The following PLCL1 variants were observed in gnomAD, a reference collection of about 807,000 sequenced individuals.
PLCL1 encodes the protein phospholipase C like 1 (inactive), also known as inactive phospholipase C-like protein 1.
Under a neutral mutation model 84.4 loss-of-function variants are expected in PLCL1, and 41 were observed. The observed-to-expected ratio is 0.49, with a 90% confidence interval of 0.38 to 0.63. The LOEUF (loss-of-function observed/expected upper bound fraction) is 0.63. Among genes scored for constraint, PLCL1 ranks in the 30% least tolerant of loss-of-function variants. The pLI is 0.00. For missense variants in PLCL1, 1,206 were observed against 1,367.8 expected (o/e 0.88, Z 1.87); for synonymous variants, 490 against 488.3 (o/e 1.00, Z -0.05).
chr2:198,129,459 A>G (rs1339335883), intron 5 of PLCL1, among the ~76,000 whole-genome samples: 1 of 151,948 alleles, frequency 6.6e-6, no homozygotes, highest in Non-Finnish European at 1.5e-5. Flanking sequence ...TCCACCTATG[A>G]CCTGTAAGTC....
chr2:197,989,251 C>T (rs750250657), intron 1 of PLCL1, among the ~76,000 whole-genome samples: 18 of 152,070 alleles, frequency 1.2e-4, no homozygotes, highest in Non-Finnish European at 1.6e-4. Flanking sequence ...ATTGGGGAAA[C>T]GTCTCTGCCT....
At chr2:198,029,684 T>TCC (rs1691359671) in intron 1 of PLCL1, among the ~76,000 whole-genome samples, 1 of 143,942 alleles carries the variant, frequency 6.9e-6, no homozygotes, top group Non-Finnish European at 1.5e-5. Context: ...TTCTCTTCTC[T>TCC]TCTCTCCTCT....
At chr2:197,941,727 T>C (rs1396242639) in intron 1 of PLCL1, among the ~76,000 whole-genome samples, 3 of 152,252 alleles carry the variant, frequency 2.0e-5, no homozygotes, top group Admixed American at 1.3e-4. Context: ...CCACTAATTA[T>C]GTGGGTTAGC....
At position 197,902,549 on chromosome 2, in the gene PLCL1, T is replaced by C. The variant is rs539672550; in HGVS notation, c.240+97210T>C. Among the ~76,000 whole-genome samples, 26 of 152,348 alleles carry C rather than the reference T, an allele frequency of 1.7e-4. 1 individual carries two copies. In the South Asian group the frequency reaches 5.4e-3, roughly 32 times the overall value. ...GAGGAGAAAATATTTTCCTGTTTTT[T>C]ATCTCTGGAATAGGCAGTTCCCTAA... On this transcript the variant is annotated intron_variant, in intron 1 of 5. Transcript: ENST00000428675.
At chr2:197,913,467 C>T (rs202136373) in intron 1 of PLCL1, among the ~76,000 whole-genome samples, 3 of 152,264 alleles carry the variant, frequency 2.0e-5, no homozygotes, top group Non-Finnish European at 1.5e-5. Flanking sequence ...TCATGAGAAA[C>T]GATTAGGTTC....
intron 1 of PLCL1, among the ~76,000 whole-genome samples, chr2:198,028,359 T>C (rs1313074314): frequency 1.3e-5 from 2 of 152,176 alleles, no homozygotes; most frequent in African/African-American, 4.8e-5. Flanking sequence ...AGGAGTGGGA[T>C]TGGGCTTGCC....
intron 1 of PLCL1, among the ~76,000 whole-genome samples, chr2:197,893,255 C>G (rs984330543): frequency 3.3e-5 from 5 of 152,106 alleles, no homozygotes; most frequent in African/African-American, 1.2e-4. Context: ...TAGATTTGAA[C>G]CTTTTTGCTT....
chr2:197,885,163 T>G (rs1687896243), intron 1 of PLCL1, among the ~76,000 whole-genome samples: 1 of 152,206 alleles, frequency 6.6e-6, no homozygotes, highest in Non-Finnish European at 1.5e-5. Flanking sequence ...CTTTCTGAAT[T>G]AGTCAGGGTT....
chr2:198,043,475 A>C (rs896841652), intron 1 of PLCL1, among the ~76,000 whole-genome samples: 7 of 152,180 alleles, frequency 4.6e-5, no homozygotes, highest in African/African-American at 1.7e-4. Context: ...TAGCCACTTC[A>C]TGCAGTTACA....
At chr2:198,058,738 C>G (rs553536009) in intron 1 of PLCL1, among the ~76,000 whole-genome samples, 10 of 151,986 alleles carry the variant, frequency 6.6e-5, no homozygotes, top group Admixed American at 5.9e-4. Flanking sequence ...ATAGATAGGT[C>G]AGTTTCAAAA....
chr2:197,917,498 GA>G (rs1559044371), intron 1 of PLCL1, among the ~76,000 whole-genome samples: 2 of 152,152 alleles, frequency 1.3e-5, no homozygotes, highest in African/African-American at 2.4e-5. Flanking sequence ...GAAGTACAGA[GA>G]ATTTTTTAGG....
At chr2:197,997,446 T>C (rs572130230) in intron 1 of PLCL1, among the ~76,000 whole-genome samples, 18 of 152,356 alleles carry the variant, frequency 1.2e-4, no homozygotes, top group Middle Eastern at 3.4e-3. Context: ...GACTATGTTA[T>C]CATAACCTGC....
rs534420149 is a variant in PLCL1 at position 198,040,260 on chromosome 2, T to C, written c.241-43498T>C. ...TTTTCATCCCGTGGACATTAGTGCA[T>C]TTGAAAAACTGGCTCTTGGGCTTCA... On this transcript the variant is annotated intron_variant, in intron 1 of 5. Coordinates refer to ENST00000428675, the MANE Select transcript of PLCL1 (RefSeq NM_006226.4). Among the ~76,000 whole-genome samples, 28 of 152,242 alleles carry C rather than the reference T, an allele frequency of 1.8e-4. No individual in the cohort carries two copies. In the East Asian group the frequency reaches 4.8e-3, roughly 26 times the overall value.
At chr2:198,036,948 C>A (rs1173105264) in intron 1 of PLCL1, among the ~76,000 whole-genome samples, 7 of 152,144 alleles carry the variant, frequency 4.6e-5, no homozygotes, top group Non-Finnish European at 2.9e-5. Context: ...CTTATCAATC[C>A]AGTGGGCAAT....
chr2:198,107,464 A>G (rs1371658), intron 5 of PLCL1, among the ~76,000 whole-genome samples: 151,462 of 151,956 alleles, frequency 1, 75,485 homozygotes, highest in East Asian at 1. Flanking sequence ...CCCTCAGGGT[A>G]GTAATAATAC....
At chr2:197,862,556 G>A (rs1341916558) in intron 1 of PLCL1, among the ~76,000 whole-genome samples, 1 of 152,150 alleles carries the variant, frequency 6.6e-6, no homozygotes, top group African/African-American at 2.4e-5. Context: ...GCCTGAGGAG[G>A]TAATGAAGAC....
At chr2:198,063,885 AC>A (rs1252996678) in intron 1 of PLCL1, among the ~76,000 whole-genome samples, 1 of 152,208 alleles carries the variant, frequency 6.6e-6, no homozygotes, top group Non-Finnish European at 1.5e-5. Flanking sequence ...TAGTGTTCCC[AC>A]AGAATTGAAC....
intron 1 of PLCL1, among the ~76,000 whole-genome samples, chr2:197,860,498 T>G (rs543568551): frequency 6.6e-6 from 1 of 152,194 alleles, no homozygotes; most frequent in Non-Finnish European, 1.5e-5. Flanking sequence ...CCTCCGGTAG[T>G]GTATAAGTGT....
intron 1 of PLCL1, among the ~76,000 whole-genome samples, chr2:198,077,141 T>C (rs1366298278): frequency 6.6e-6 from 1 of 152,190 alleles, no homozygotes; most frequent in Non-Finnish European, 1.5e-5. Flanking sequence ...GTAGCCATCC[T>C]GGCTGTCTTT....
Sources: allele counts gnomAD v4.1 joint callset (sites outside exome capture counted in the v4.1 genomes callset), GRCh38; gene constraint gnomAD v4.1.1; transcripts MANE v1.5; gene names NCBI Gene and HGNC (gene_info 2026-07-23, HGNC 2026-07-21).